The following SP2 variants were observed in gnomAD, a reference collection of about 807,000 sequenced individuals.
The protein encoded by SP2 is Sp2 transcription factor, also known as transcription factor Sp2.
Under a neutral mutation model 50.1 loss-of-function variants are expected in SP2, and 9 were observed. The observed-to-expected ratio is 0.18, with a 90% CI of 0.11 to 0.31. The LOEUF (loss-of-function observed/expected upper bound fraction) is 0.31. Ranked by LOEUF, SP2 falls within the 10% of genes least tolerant of loss-of-function variation. SP2 has a pLI of 1.00. For missense variants in SP2, 581 were observed against 806.5 expected, an observed-to-expected ratio of 0.72 and a Z score of 3.39; for synonymous variants, 313 against 326.6, an observed-to-expected ratio of 0.96 and a Z score of 0.45.
At chr17:47,923,561 T>G (rs2035540621) in intron 4 of SP2, among the ~76,000 whole-genome samples, 1 of 152,212 alleles carries the variant, frequency 6.6e-6, no homozygotes, top group African/African-American at 2.4e-5. Context: ...GGAGAAAGCC[T>G]TGCGTTAAGG....
intron 1 of SP2, among the ~76,000 whole-genome samples, chr17:47,904,998 C>T (rs762209813): frequency 3.1e-4 from 47 of 152,194 alleles, no homozygotes; most frequent in Admixed American, 4.6e-4. Context: ...TCTTGAACCC[C>T]TGGCCTCAAG....
rs148217498 is a variant in SP2 at position 47,923,165 on chromosome 17, C to T, written c.1263C>T (p.Ile421=). ...PLPKIAPAGS[I]ISLNAAQLAA... ...CAAAGATTGCCCCAGCCGGGAGCAT[C>T]ATCAGCCTGAATGCAGCCCAGTTGG... Residue 421 remains isoleucine, a synonymous_variant, in exon 4 of 7, where the codon ATC becomes ATT. Coordinates refer to ENST00000376741, the MANE Select transcript of SP2 (RefSeq NM_003110.6). The T allele has an allele frequency of 1.9e-6, 3 of 1,614,194 alleles. No individual in the cohort carries two copies. Among genetic ancestry groups the T allele is most frequent in the Admixed American group, 1.7e-5 (1 of 60,028 alleles).
At chr17:47,906,235 C>G (rs2034756095) in intron 1 of SP2, among the ~76,000 whole-genome samples, 1 of 152,104 alleles carries the variant, frequency 6.6e-6, no homozygotes, top group African/African-American at 2.4e-5. Flanking sequence ...GGAGATTTGT[C>G]TATGAGGTGG....
chr17:47,896,267 C>T lies in SP2; in HGVS notation c.-20C>T. The stretch of plus-strand genomic sequence containing the variant: ...TCGGTGGCGGCGGAGGCGGCGGAGG[C>T]CAGGGAGGAAGATGTCGTAATGAGC... On this transcript the variant is annotated 5_prime_UTR_variant, in exon 1 of 7. Coordinates refer to ENST00000376741, the MANE Select transcript of SP2 (RefSeq NM_003110.6). The T allele has an allele frequency of 2.4e-6, 3 of 1,236,598 alleles. No homozygotes were observed. The highest frequency in any genetic ancestry group is 4.1e-5 in the South Asian group (1 of 24,392). The allele number at this position is 1,236,598 out of a possible 1,614,324, so 76.6% of individuals were successfully genotyped here. A position where few individuals can be genotyped will look rare whatever the true frequency, so the allele number is the denominator to read the frequency against.
intron 6 of SP2, 28 bp from the exon 7 acceptor site, chr17:47,927,694 CTG>C: frequency 6.8e-7 from 1 of 1,475,812 alleles, no homozygotes; most frequent in Non-Finnish European, 9.3e-7. Flanking sequence ...TGCACAGGGT[CTG>C]TGGGTGATGG....
intron 1 of SP2, 94 bp downstream of exon 1, chr17:47,896,387 T>C (rs1027067205): frequency 8.3e-6 from 9 of 1,080,536 alleles, no homozygotes; most frequent in African/African-American, 3.3e-5. Flanking sequence ...AGGCCGGGGG[T>C]TCCCCCCTGG....
At chr17:47,920,313 G>A (rs1411596886) in intron 3 of SP2, among the ~76,000 whole-genome samples, 20 of 141,996 alleles carry the variant, frequency 1.4e-4, no homozygotes, top group Non-Finnish European at 7.6e-5. Context: ...TTTTGGAGAC[G>A]AAGTCTCACT....
chr17:47,925,072 A>G lies in SP2; in HGVS notation c.1526A>G (p.Asn509Ser), dbSNP rs1476833657. Residue 509 changes from asparagine to serine, a missense_variant, in exon 5 of 7, where the codon AAC (asparagine) becomes AGC (serine). Transcript: ENST00000376741. ...CGCCGCATGGCCTGCACGTGTCCCAACTGCAAGGATGGGGAGAAGAGGTAA... is the reference window on the plus strand; with the variant it reads ...CGCCGCATGGCCTGCACGTGTCCCAGCTGCAAGGATGGGGAGAAGAGGTAA... ...KRRRMACTCP[N>S]CKDGEKRSGE... is the part of the protein sequence containing the mutation. 1.2e-6 allele frequency: 2 copies of G among 1,611,790 alleles called. No individual in the cohort carries two copies. The highest frequency in any genetic ancestry group is 1.1e-5 in the South Asian group (1 of 90,872).
chr17:47,915,760 C>T (rs550227340), intron 2 of SP2, among the ~76,000 whole-genome samples: 1 of 152,104 alleles, frequency 6.6e-6, no homozygotes, highest in African/African-American at 2.4e-5. Flanking sequence ...CCATTTTTTC[C>T]TCCCTCCTTT....
At chr17:47,909,147 A>G (rs1303156997) in intron 1 of SP2, among the ~76,000 whole-genome samples, 2 of 152,078 alleles carry the variant, frequency 1.3e-5, no homozygotes, top group Admixed American at 1.3e-4. Flanking sequence ...CCAGCTGAAA[A>G]TCCCCCTTTT....
chr17:47,915,510 G>A, intron 2 of SP2, 122 bp downstream of exon 2: 1 of 571,402 alleles, frequency 1.8e-6, no homozygotes, highest in Non-Finnish European at 2.9e-6. Context: ...GGAAGGTTCA[G>A]TTAGCCACAT....
chr17:47,908,840 C>G (rs1381973710), intron 1 of SP2: 2 of 152,256 alleles, frequency 1.3e-5, no homozygotes, highest in African/African-American at 4.8e-5. Flanking sequence ...TAGGTGTGAT[C>G]CACCGCGCCC....
intron 3 of SP2, among the ~76,000 whole-genome samples, chr17:47,919,626 CAAG>C (rs1455718937): frequency 6.6e-6 from 1 of 151,874 alleles, no homozygotes; most frequent in Non-Finnish European, 1.5e-5. Flanking sequence ...TTCCTACACA[CAAG>C]AACATTCTAC....
chr17:47,928,932 T>G lies in SP2; in HGVS notation c.*1108T>G, dbSNP rs144701940. On this transcript the variant is annotated 3_prime_UTR_variant, in exon 7 of 7. Transcript: ENST00000376741. ...CAAAAATTTTTTCTTGCTAATAAAT[T>G]TAGTTGCCTGAGGCAAAATCTTCAA... 9.2e-4 allele frequency: 140 copies of G among 152,780 alleles called. No individual in the cohort carries two copies. The highest frequency in any genetic ancestry group is 3.1e-3 in the African/African-American group (127 of 41,574). 9.5% of individuals were successfully genotyped at this position (152,780 alleles called of 1,614,324 possible).
At chr17:47,930,711 A>G (rs2035800665), downstream of SP2, among the ~76,000 whole-genome samples, 2 of 152,204 alleles carry the variant, frequency 1.3e-5, no homozygotes, top group South Asian at 4.1e-4. Flanking sequence ...AGAGGCTCCC[A>G]CAGACACCTG....
intron 1 of SP2, among the ~76,000 whole-genome samples, chr17:47,913,582 A>T (rs960977678): frequency 3.9e-5 from 6 of 152,032 alleles, no homozygotes; most frequent in Non-Finnish European, 7.4e-5. Flanking sequence ...TTTTTAAAAA[A>T]TTTTTATTAG....
intron 1 of SP2, chr17:47,899,874 G>A (rs1342744948): frequency 6.6e-6 from 1 of 152,260 alleles, no homozygotes; most frequent in African/African-American, 2.4e-5. Flanking sequence ...CTCCCCCAAT[G>A]AGCAGCTCCA....
chr17:47,900,543 G>T (rs2034497817), intron 1 of SP2, among the ~76,000 whole-genome samples: 2 of 152,232 alleles, frequency 1.3e-5, no homozygotes, highest in African/African-American at 4.8e-5. Context: ...TTGGGAGGCT[G>T]AGGCAGGCAG....
Position 47,916,239 on chromosome 17 carries a change from T to A in SP2, c.168T>A (p.Pro56=). 1 of 1,613,998 alleles carries A rather than the reference T, an allele frequency of 6.2e-7. No homozygotes were observed. The highest frequency in any genetic ancestry group is 8.5e-7 in the Non-Finnish European group (1 of 1,180,000). The change falls in exon 3 of 7, where the codon CCT becomes CCA. Residue 56 remains proline (P), a synonymous_variant. Transcript: ENST00000376741. This position sits in a 1 kb window ranked among gnomAD's most constrained non-coding sequence, Gnocchi z 4.7. ...CAGCAGTTGAAGCTGCTGTGACACC[T>A]CCTGCTCCCCCACAGCCCACACCGC... ...GPPAVEAAVT[P]PAPPQPTPRK...
Sources: gnomAD v4.1 joint callset for allele counts (sites outside exome capture counted in the v4.1 genomes callset) on GRCh38, gnomAD v4.1.1 for gene constraint, Gnocchi (gnomAD v3.1) non-coding constraint, MANE v1.5 for transcripts, NCBI Gene and HGNC (gene_info 2026-07-23, HGNC 2026-07-21) for gene names.